The following VSTM5 variants were observed in gnomAD, a reference collection of about 807,000 sequenced individuals.
VSTM5 encodes the protein V-set and transmembrane domain containing 5, also known as V-set and transmembrane domain-containing protein 5.
VSTM5 carries 21 observed loss-of-function variants against 20.3 expected under a neutral mutation model. That is an observed-to-expected ratio of 1.03 (90% CI 0.73 to 1.49). The LOEUF (loss-of-function observed/expected upper bound fraction) is 1.49, where lower values mean the gene tolerates loss of function less well. Ranked by LOEUF, VSTM5 falls within the 40% of genes most tolerant of loss-of-function variation. VSTM5 has a pLI of 0.00. For missense variants in VSTM5, 219 were observed against 250.0 expected, an observed-to-expected ratio of 0.88 and a Z score of 0.84; for synonymous variants, 100 against 102.5, an observed-to-expected ratio of 0.98 and a Z score of 0.14.
chr11:93,832,179 A>G (rs56705833), intron 1 of VSTM5, among the ~76,000 whole-genome samples: 7,649 of 152,344 alleles, frequency 0.05, 498 homozygotes, highest in African/African-American at 0.15. Flanking sequence ...GTAAGGAACC[A>G]GTTAAATAAA....
At chr11:93,838,018 G>A (rs1944338131) in intron 1 of VSTM5, among the ~76,000 whole-genome samples, 1 of 152,126 alleles carries the variant, frequency 6.6e-6, no homozygotes, top group Admixed American at 6.5e-5. Context: ...GAGTGTGCAG[G>A]GAAAGCCAGA....
chr11:93,843,116 A>C (rs1018130722), intron 1 of VSTM5, among the ~76,000 whole-genome samples: 1 of 152,004 alleles, frequency 6.6e-6, no homozygotes, highest in Non-Finnish European at 1.5e-5. Context: ...ATTCAGGCAC[A>C]TGCGTAACTG....
In VSTM5 at chr11:93,821,092, A is replaced by C. The variant is rs1269371243; in HGVS notation, c.323T>G (p.Phe108Cys). 6.4e-7 allele frequency: 1 copy of C among 1,551,770 alleles called. No individual in the cohort carries two copies. Among genetic ancestry groups the C allele is most frequent in the Non-Finnish European group, 8.7e-7 (1 of 1,147,050 alleles). The change falls in exon 2 of 4, where the codon TTC becomes TGC. Residue 108 changes from phenylalanine to cysteine, a missense_variant. Phe to Cys is a radical substitution (Grantham distance 205). Transcript: ENST00000409977. ...CTFDNGSIQL[F>C]SVGVRDSGYY... ...GCCGGAATCCCTCACTCCCACGCTG[A>C]AGAGCTGGATGGAGCCGTTGTCAAA...
At chr11:93,839,242 C>G (rs952088290) in intron 1 of VSTM5, among the ~76,000 whole-genome samples, 1 of 152,206 alleles carries the variant, frequency 6.6e-6, no homozygotes, top group African/African-American at 2.4e-5. Context: ...GTAAGTGGAA[C>G]AGAGAAAGCT....
chr11:93,821,549 T>A, intron 1 of VSTM5: 1 of 555,850 alleles, frequency 1.8e-6, no homozygotes, highest in Non-Finnish European at 3.2e-6. Flanking sequence ...TGAAGACTAT[T>A]TAGAATGCTC....
chr11:93,823,852 C>CGT (rs1555036732), intron 1 of VSTM5, among the ~76,000 whole-genome samples: 1 of 151,996 alleles, frequency 6.6e-6, no homozygotes, highest in Non-Finnish European at 1.5e-5. Context: ...GCAGATATCT[C>CGT]TGATACACTG....
chr11:93,846,343 T>C (rs1035253325), intron 1 of VSTM5, among the ~76,000 whole-genome samples: 1 of 152,220 alleles, frequency 6.6e-6, no homozygotes, highest in Non-Finnish European at 1.5e-5. Flanking sequence ...AGGAAGGCTC[T>C]TGGAGATCAG....
At chr11:93,849,469 G>A (rs558229469) in intron 1 of VSTM5, among the ~76,000 whole-genome samples, 3 of 152,306 alleles carry the variant, frequency 2.0e-5, no homozygotes, top group African/African-American at 7.2e-5. Flanking sequence ...TAACATTTCT[G>A]TGCCTCAGTT....
intron 1 of VSTM5, among the ~76,000 whole-genome samples, chr11:93,841,194 TTTAA>T (rs1197106011): frequency 1.3e-5 from 2 of 152,208 alleles, no homozygotes; most frequent in African/African-American, 2.4e-5. Flanking sequence ...CACTTCAGCC[TTTAA>T]TTAGCCACGG....
At chr11:93,821,469 T>C in intron 1 of VSTM5, 146 bp from the exon 2 acceptor site, 1 of 774,898 alleles carries the variant, frequency 1.3e-6, no homozygotes, top group Non-Finnish European at 2.0e-6. Flanking sequence ...GCTTAAGCGA[T>C]AATGCTGAAC....
At chr11:93,842,952 G>A (rs941156754) in intron 1 of VSTM5, among the ~76,000 whole-genome samples, 1 of 152,050 alleles carries the variant, frequency 6.6e-6, no homozygotes, top group Non-Finnish European at 1.5e-5. Context: ...TTAGCTGGGT[G>A]TGGTGGTGCA....
At chr11:93,827,023 TTAAC>T (rs1944244093) in intron 1 of VSTM5, among the ~76,000 whole-genome samples, 2 of 152,180 alleles carry the variant, frequency 1.3e-5, no homozygotes, top group Admixed American at 6.5e-5. Flanking sequence ...AACCGGGCAT[TTAAC>T]TAGGTGTTAG....
At chr11:93,850,324 G>C in intron 1 of VSTM5, 88 bp downstream of exon 1, 2 of 1,208,262 alleles carry the variant, frequency 1.7e-6, no homozygotes, top group Non-Finnish European at 2.3e-6. Flanking sequence ...CGAGGGCCAG[G>C]GGGGCCGCTG....
At chr11:93,828,803 G>T (rs1944257948) in intron 1 of VSTM5, among the ~76,000 whole-genome samples, 1 of 152,184 alleles carries the variant, frequency 6.6e-6, no homozygotes. Context: ...AGGTCTCAGA[G>T]CCTAAGATTC....
At chr11:93,848,818 C>G (rs1944434509) in intron 1 of VSTM5, among the ~76,000 whole-genome samples, 1 of 152,192 alleles carries the variant, frequency 6.6e-6, no homozygotes, top group Non-Finnish European at 1.5e-5. Context: ...GAATTATACG[C>G]TATTGCAAAT....
At chr11:93,825,531 C>A (rs1282122664) in intron 1 of VSTM5, among the ~76,000 whole-genome samples, 2 of 152,172 alleles carry the variant, frequency 1.3e-5, no homozygotes, top group Admixed American at 1.3e-4. Flanking sequence ...ATTGACTCTG[C>A]AGATCGCTTT....
chr11:93,846,061 T>C (rs1944408502), intron 1 of VSTM5, among the ~76,000 whole-genome samples: 2 of 152,262 alleles, frequency 1.3e-5, no homozygotes, highest in South Asian at 4.1e-4. Flanking sequence ...TTGCCCAGGC[T>C]GGTCTCAAAC....
At chr11:93,826,240 T>TA (rs1363069785) in intron 1 of VSTM5, among the ~76,000 whole-genome samples, 1 of 151,946 alleles carries the variant, frequency 6.6e-6, no homozygotes, top group Non-Finnish European at 1.5e-5. Context: ...ATCCTGTCTC[T>TA]AAAAAATTTA....
chr11:93,825,830 G>A (rs1275990503), intron 1 of VSTM5, among the ~76,000 whole-genome samples: 3 of 150,324 alleles, frequency 2.0e-5, no homozygotes, highest in African/African-American at 7.3e-5. Context: ...GTGCAGTGGT[G>A]CAATCTTGGC....
Sources: gnomAD v4.1 joint callset for allele counts (sites outside exome capture counted in the v4.1 genomes callset) on GRCh38, gnomAD v4.1.1 for gene constraint, MANE v1.5 for transcripts, NCBI Gene and HGNC (gene_info 2026-07-23, HGNC 2026-07-21) for gene names.